The following TAF2 variants were observed in gnomAD, a reference collection of about 807,000 sequenced individuals.
TAF2 encodes transcription initiation factor TFIID subunit 2.
Under a neutral mutation model 138.5 loss-of-function variants are expected in TAF2, and 61 were observed. The ratio of observed to expected loss-of-function variants is 0.44; its 90% CI spans 0.36 to 0.54. The LOEUF (loss-of-function observed/expected upper bound fraction) is 0.54. Among genes scored for constraint, TAF2 ranks in the 20% least tolerant of loss-of-function variants. The probability of loss-of-function intolerance (pLI) is 0.00; values close to 1 mark genes in which losing one functional copy is unlikely to be tolerated. For missense variants in TAF2, 1,090 were observed against 1,427.9 expected (o/e 0.76, Z 3.81); for synonymous variants, 475 against 469.9 (o/e 1.01, Z -0.14).
intron 14 of TAF2, among the ~76,000 whole-genome samples, chr8:119,785,861 A>G (rs533018621): frequency 1.3e-5 from 2 of 152,330 alleles, no homozygotes; most frequent in Admixed American, 1.3e-4. Context: ...ACTCCAAATG[A>G]CATTCTGTTA....
intron 11 of TAF2, among the ~76,000 whole-genome samples, chr8:119,790,955 CCTGA>C (rs1260806620): frequency 6.7e-6 from 1 of 150,220 alleles, no homozygotes; most frequent in Non-Finnish European, 1.5e-5. Flanking sequence ...TGCCACTATG[CCTGA>C]CTTAGTAATA....
chr8:119,737,511 C>CT (rs34513662), intron 25 of TAF2, among the ~76,000 whole-genome samples: 37,520 of 137,288 alleles, frequency 0.27, 6,304 homozygotes, highest in Admixed American at 0.47. Flanking sequence ...TTTTCTTTTT[C>CT]TTTTTTTTTT....
chr8:119,813,177 T>C (rs1178904111), intron 3 of TAF2, among the ~76,000 whole-genome samples: 1 of 152,254 alleles, frequency 6.6e-6, no homozygotes, highest in East Asian at 1.9e-4. Context: ...GTGGTTTTAA[T>C]TTGTATTTCC....
chr8:119,738,860 G>A (rs1819405108), intron 25 of TAF2, among the ~76,000 whole-genome samples: 1 of 151,914 alleles, frequency 6.6e-6, no homozygotes, highest in Admixed American at 6.6e-5. Context: ...ATTAGGAAAG[G>A]TGTAAGTTCT....
At chr8:119,756,885 G>T (rs1470401665) in intron 21 of TAF2, among the ~76,000 whole-genome samples, 1 of 152,138 alleles carries the variant, frequency 6.6e-6, no homozygotes, top group Non-Finnish European at 1.5e-5. Context: ...GAAAGGAGAA[G>T]TAAGAAGAAA....
intron 18 of TAF2, chr8:119,762,827 T>C (rs1821159697): frequency 5.0e-6 from 2 of 400,720 alleles, no homozygotes; most frequent in Non-Finnish European, 8.9e-6. Context: ...GATGGAAAAC[T>C]AATGATAGAA....
At chr8:119,809,671 T>C (rs928714681) in intron 3 of TAF2, among the ~76,000 whole-genome samples, 6 of 152,132 alleles carry the variant, frequency 3.9e-5, no homozygotes, top group Non-Finnish European at 8.8e-5. Context: ...ATTTCAATAT[T>C]GTGTGTCTCA....
rs761933378 is a variant in TAF2 at position 119,788,913 on chromosome 8, T to A, written c.1569-9A>T. ...CCACTCCACTCTGATCTCTGAAGAATTGTAAAGGAAAGTTTACATACTGAA... is the reference window on the plus strand; with the variant it reads ...CCACTCCACTCTGATCTCTGAAGAAATGTAAAGGAAAGTTTACATACTGAA... On this transcript the variant is annotated splice_polypyrimidine_tract_variant and intron_variant, in intron 12 of 25. Coordinates refer to ENST00000378164, the MANE Select transcript of TAF2 (RefSeq NM_003184.4). The A allele has an allele frequency of 3.9e-6, 6 of 1,556,724 alleles. No homozygotes were observed. The South Asian group carries it at 6.7e-5, about 17-fold the overall frequency.
intron 4 of TAF2, among the ~76,000 whole-genome samples, chr8:119,804,415 T>C (rs1324073866): frequency 6.6e-6 from 1 of 152,142 alleles, no homozygotes; most frequent in Non-Finnish European, 1.5e-5. Context: ...CCAAATCTCA[T>C]CTTGCAGCGC....
rs532263690 is a variant in TAF2 at position 119,827,719 on chromosome 8, A to C, written c.138+3958T>G. Among the ~76,000 whole-genome samples the C allele has an allele frequency of 1.0e-3, 143 of 143,114 alleles. 1 individual carries two copies. Among genetic ancestry groups the C allele is most frequent in the South Asian group, 2.0e-3 (9 of 4,508 alleles). 93.9% of individuals were successfully genotyped at this position (143,114 alleles called of 152,430 possible). A position where few individuals can be genotyped will look rare whatever the true frequency, so the allele number is the denominator to read the frequency against. On this transcript the variant is annotated intron_variant, in intron 2 of 25. Transcript: ENST00000378164. Reference sequence around the variant, plus strand: ...TGACTACTCTCACTATTACACCAAAAAGGCCATGGAAGGAATTTTTTTTTT... The same window carrying C: ...TGACTACTCTCACTATTACACCAAACAGGCCATGGAAGGAATTTTTTTTTT...
chr8:119,819,603 G>A (rs536349117), intron 2 of TAF2, 97 bp from the exon 3 acceptor site: 6 of 1,008,682 alleles, frequency 5.9e-6, no homozygotes, highest in Non-Finnish European at 9.2e-6. Flanking sequence ...TTATACTACA[G>A]AGACAAAATC....
intron 18 of TAF2, among the ~76,000 whole-genome samples, chr8:119,775,914 T>C (rs1199411346): frequency 1.3e-5 from 2 of 152,218 alleles, no homozygotes; most frequent in Admixed American, 1.3e-4. Flanking sequence ...AATTTAGTGT[T>C]ACTAGTTTTA....
chr8:119,781,677 CA>C (rs200470864), intron 16 of TAF2, among the ~76,000 whole-genome samples: 28 of 142,468 alleles, frequency 2.0e-4, no homozygotes, highest in African/African-American at 3.6e-4. Context: ...AGACTCTCTC[CA>C]AAAAAAAAAA....
At chr8:119,755,167 T>TA (rs1245190578) in intron 22 of TAF2, among the ~76,000 whole-genome samples, 1 of 152,254 alleles carries the variant, frequency 6.6e-6, no homozygotes, top group Non-Finnish European at 1.5e-5. Context: ...CTAGCACTCC[T>TA]AAACACTGTT....
intron 6 of TAF2, among the ~76,000 whole-genome samples, chr8:119,799,151 ATTTT>A (rs34865570): frequency 0.3 from 45,019 of 151,700 alleles, 7,682 homozygotes; most frequent in African/African-American, 0.47. Context: ...ATTTTTTAAA[ATTTT>A]TTTATATTAT....
At chr8:119,792,807 C>T (rs1428208425) in intron 10 of TAF2, among the ~76,000 whole-genome samples, 1 of 152,114 alleles carries the variant, frequency 6.6e-6, no homozygotes, top group Non-Finnish European at 1.5e-5. Flanking sequence ...ACATTCTTTC[C>T]CGCTGGAGGA....
At position 119,731,894 on chromosome 8, in the gene TAF2, C is replaced by A. The variant is rs765615861; in HGVS notation, c.*30G>T. On this transcript the variant is annotated 3_prime_UTR_variant, in exon 26 of 26. Coordinates refer to ENST00000378164, the MANE Select transcript of TAF2 (RefSeq NM_003184.4). The stretch of plus-strand genomic sequence containing the variant: ...CTTTAGTTACATACATTCTTCTGGA[C>A]ATGAAAGGAAAGGTCTTTTTGTCCC... 1 of 1,600,718 alleles carries A rather than the reference C, an allele frequency of 6.2e-7. No homozygotes were observed. The highest frequency in any genetic ancestry group is 1.7e-5 in the Admixed American group (1 of 59,998).
intron 3 of TAF2, among the ~76,000 whole-genome samples, chr8:119,810,507 C>T (rs1028011864): frequency 2.0e-5 from 3 of 152,138 alleles, no homozygotes; most frequent in Non-Finnish European, 2.9e-5. Flanking sequence ...AGTACAAATA[C>T]CTAACAGTGG....
chr8:119,814,737 CAAAAAAAA>C (rs397795248), intron 3 of TAF2, among the ~76,000 whole-genome samples: 2 of 86,488 alleles, frequency 2.3e-5, no homozygotes, highest in Admixed American at 1.4e-4. Context: ...ACCAAAAATA[CAAAAAAAA>C]AAAAAAAAAA....
Sources: allele counts gnomAD v4.1 joint callset (sites outside exome capture counted in the v4.1 genomes callset), GRCh38; gene constraint gnomAD v4.1.1; transcripts MANE v1.5; gene names NCBI Gene and HGNC (gene_info 2026-07-23, HGNC 2026-07-21).